Variants in TBC1D2 observed in about 807,000 individuals in gnomAD.
TBC1D2 encodes the protein TBC1 domain family member 2.
In TBC1D2, 58 loss-of-function variants were observed where a neutral mutation model predicts 91.1. The ratio of observed to expected loss-of-function variants is 0.64; its 90% CI spans 0.52 to 0.79. The LOEUF is 0.79. TBC1D2 is among the 30% of genes least tolerant of loss of function. TBC1D2 has a pLI of 0.00. For missense variants in TBC1D2, 1,080 were observed against 1,208.3 expected, an observed-to-expected ratio of 0.89 and a Z score of 1.57; for synonymous variants, 482 against 511.5, an observed-to-expected ratio of 0.94 and a Z score of 0.78.
At chr9:98,207,442 A>G (rs1210517944) in intron 9 of TBC1D2, among the ~76,000 whole-genome samples, 2 of 152,260 alleles carry the variant, frequency 1.3e-5, no homozygotes, top group African/African-American at 4.8e-5. Flanking sequence ...GGGGGATGAC[A>G]GTCCCTCACA....
intron 9 of TBC1D2, among the ~76,000 whole-genome samples, chr9:98,206,823 A>G (rs955070044): frequency 1.4e-4 from 21 of 152,180 alleles, no homozygotes; most frequent in African/African-American, 4.1e-4. Context: ...TCAGGTGTTA[A>G]ACACCTGGCA....
intron 2 of TBC1D2, among the ~76,000 whole-genome samples, chr9:98,247,329 C>CAAAAA (rs34334323): frequency 9.1e-6 from 1 of 109,374 alleles, no homozygotes; most frequent in African/African-American, 3.8e-5. Flanking sequence ...GACTCCGTCT[C>CAAAAA]AAAAAAAAAA....
chr9:98,199,725 T>C (rs1828435103), intron 12 of TBC1D2, 137 bp from the exon 13 acceptor site: 2 of 837,530 alleles, frequency 2.4e-6, no homozygotes, highest in Admixed American at 4.2e-5. Flanking sequence ...GAGGAAACAA[T>C]GAATAAGATG....
At chr9:98,243,504 A>G (rs2131280890) in intron 3 of TBC1D2, among the ~76,000 whole-genome samples, 1 of 151,230 alleles carries the variant, frequency 6.6e-6, no homozygotes, top group South Asian at 2.1e-4. Flanking sequence ...ATTTCCTATA[A>G]TGAACATGTA....
chr9:98,222,791 GTGGATTGGCTGGA>G (rs1829131628), intron 5 of TBC1D2, among the ~76,000 whole-genome samples: 1 of 152,242 alleles, frequency 6.6e-6, no homozygotes, highest in Non-Finnish European at 1.5e-5. Flanking sequence ...ATTAAAATGA[GTGGATTGGCTGGA>G]TAGCCTTATT....
chr9:98,210,893 C>CCAGAGG, intron 7 of TBC1D2, 50 bp from the exon 8 acceptor site: 1 of 1,255,352 alleles, frequency 8.0e-7, no homozygotes, highest in Non-Finnish European at 1.1e-6. Context: ...GCTGGGCCGC[C>CCAGAGG]CCAGAGGCCT....
rs201675493 is a variant in TBC1D2, at chr9:98,244,003, G to C, written c.638C>G (p.Thr213Ser). 6.2e-7 allele frequency: 1 copy of C among 1,605,798 alleles called. No homozygotes were observed. The highest frequency in any genetic ancestry group is 2.2e-5 in the East Asian group (1 of 44,724). Residue 213 changes from threonine to serine, a missense_variant, in exon 3 of 13, where the codon ACT becomes AGT. By Grantham distance (58) the Thr-to-Ser change is moderately conservative. Transcript: ENST00000465784. ...CTCCACTGGCACTTACTGTATTTCA[G>C]TCCCCAGGTGCTTGAGGGAAATATT... ...LQNISLKHLG[T>S]EIQNTMHNIR...
Position 98,221,163 on chromosome 9 carries a change from T to A in TBC1D2, c.1044A>T (p.Ala348=). The A allele has an allele frequency of 1.3e-6, 2 of 1,568,540 alleles. No homozygotes were observed. Among genetic ancestry groups the A allele is most frequent in the Non-Finnish European group, 1.7e-6 (2 of 1,156,932 alleles). ...AAQQEKRASS[A]YLAAAEDKDR... ...CCTTGTCCTCAGCCGCCGCCAGGTA[T>A]GCGCTGGACGCCCGCTTCTCCTGCT... Residue 348 remains alanine, a synonymous_variant, in exon 6 of 13, where the codon GCA becomes GCT. Coordinates refer to ENST00000465784, the MANE Select transcript of TBC1D2 (RefSeq NM_001267571.2).
chr9:98,240,187 G>A (rs1829602553), intron 3 of TBC1D2, among the ~76,000 whole-genome samples: 1 of 151,944 alleles, frequency 6.6e-6, no homozygotes. Flanking sequence ...GTGTGTGTGT[G>A]TGTGTGTTTT....
intron 8 of TBC1D2, among the ~76,000 whole-genome samples, chr9:98,209,913 C>G (rs1828783990): frequency 1.3e-5 from 2 of 151,556 alleles, no homozygotes; most frequent in African/African-American, 4.8e-5. Context: ...ATTGCAGCTT[C>G]TACCTTCTGG....
rs777836129 is a variant in TBC1D2 at position 98,220,907 on chromosome 9, CA to C, written c.1299del (p.Asp434ThrfsTer15). 1.1e-5 allele frequency: 18 copies of C among 1,614,028 alleles called. No individual in the cohort carries two copies. Among genetic ancestry groups the C allele is most frequent in the African/African-American group, 6.7e-5 (5 of 74,914 alleles). ...GCGTCGGGGCGCAAAGGAGACTGGT[CA>C]GGGGGGTGCGTGAAGTCCTGGGTGA... ...EKVTQDFTHP[P>X]DQSPLRPDAA... On this transcript the variant is annotated frameshift_variant, in exon 6 of 13. Transcript: ENST00000465784. LOFTEE classifies it high-confidence loss of function.
rs1752508720 is a variant in TBC1D2 at position 98,255,265 on chromosome 9, T to C, written c.277A>G (p.Ile93Val). ...TAQDANPLDS[I>V]DLSSAVFDCK... is the part of the protein sequence containing the mutation. ...TCAAACACTGCACTGGAGAGGTCGA[T>C]GCTGTCCAAGGGATTGGCATCCTGA... Residue 93 changes from isoleucine (I) to valine (V), a missense_variant, in exon 1 of 13, where the codon ATC becomes GTC. Physicochemically the swap from Ile to Val is conservative, Grantham distance 29. Coordinates refer to ENST00000465784, the MANE Select transcript of TBC1D2 (RefSeq NM_001267571.2). 1.2e-6 allele frequency: 2 copies of C among 1,614,122 alleles called. No individual in the cohort carries two copies. The highest frequency in any genetic ancestry group is 2.2e-5 in the South Asian group (2 of 91,092).
chr9:98,243,059 C>A (rs1007245078), intron 3 of TBC1D2, among the ~76,000 whole-genome samples: 3 of 151,732 alleles, frequency 2.0e-5, no homozygotes, highest in African/African-American at 7.3e-5. Flanking sequence ...CAATTACAGG[C>A]ATGAACCACG....
At chr9:98,246,026 A>T (rs1829757049) in intron 2 of TBC1D2, among the ~76,000 whole-genome samples, 1 of 152,192 alleles carries the variant, frequency 6.6e-6, no homozygotes, top group African/African-American at 2.4e-5. Context: ...ACAGTGAGTG[A>T]CTTGAAAATG....
chr9:98,209,031 T>A lies in TBC1D2; in HGVS notation c.1787A>T (p.Glu596Val). 1 of 1,614,136 alleles carries A rather than the reference T, an allele frequency of 6.2e-7. No individual in the cohort carries two copies. The change falls in exon 9 of 13, where the codon GAG becomes GTG. Residue 596 changes from glutamate to valine, a missense_variant. Transcript: ENST00000465784. ...CTCCCTCAGCGGCCGATCCACAGCC[T>A]CGAGGCCCAGCAGGTGGTGGGATCG... ...ESRSHHLLGLEAVDRPLRERW... is the reference protein window; with the variant it reads ...ESRSHHLLGLVAVDRPLRERW...
intron 7 of TBC1D2, among the ~76,000 whole-genome samples, chr9:98,211,236 G>T (rs1317089265): frequency 1.3e-5 from 2 of 152,198 alleles, no homozygotes; most frequent in Non-Finnish European, 2.9e-5. Flanking sequence ...TGAGGATTTG[G>T]GTGAGGATCA....
intron 7 of TBC1D2, among the ~76,000 whole-genome samples, chr9:98,212,474 G>A (rs1049861752): frequency 4.6e-5 from 7 of 151,110 alleles, no homozygotes; most frequent in African/African-American, 1.7e-4. Context: ...CCTCCCTTTG[G>A]GCCCCCAAGA....
intron 9 of TBC1D2, among the ~76,000 whole-genome samples, chr9:98,205,814 G>A (rs1281622236): frequency 6.6e-6 from 1 of 151,968 alleles, no homozygotes; most frequent in Non-Finnish European, 1.5e-5. Context: ...CACCCACCTC[G>A]GCCCCTCAAA....
At chr9:98,201,032 A>G (rs1408471854) in intron 11 of TBC1D2, among the ~76,000 whole-genome samples, 1 of 150,102 alleles carries the variant, frequency 6.7e-6, no homozygotes, top group Non-Finnish European at 1.5e-5. Context: ...AAAAAAAAAG[A>G]AAGAAAGAAA....
Sources: allele counts gnomAD v4.1 joint callset (sites outside exome capture counted in the v4.1 genomes callset), GRCh38; gene constraint gnomAD v4.1.1; transcripts MANE v1.5; gene names NCBI Gene and HGNC (gene_info 2026-07-23, HGNC 2026-07-21).